Variants in PVT1 observed in about 807,000 individuals in gnomAD.
The protein encoded by PVT1 is CXCR4/PVT1 fusion.
chr8:128,092,044 G>C (rs1814362430), intron 5 of PVT1, among the ~76,000 whole-genome samples: 1 of 152,174 alleles, frequency 6.6e-6, no homozygotes, highest in Admixed American at 6.5e-5. Flanking sequence ...CCTGGGCCGT[G>C]TGCAAGCTTT....
intron 4 of PVT1, among the ~76,000 whole-genome samples, chr8:128,045,554 C>CA (rs1432971244): frequency 2.0e-5 from 3 of 152,172 alleles, no homozygotes; most frequent in Admixed American, 6.5e-5. Context: ...GCACGCAACC[C>CA]AATGCTTTTT....
chr8:127,807,717 A>G (rs1016216773), intron 2 of PVT1, among the ~76,000 whole-genome samples: 3 of 152,188 alleles, frequency 2.0e-5, no homozygotes. Flanking sequence ...TTGAAAATAC[A>G]TATGACAAGA....
intron 2 of PVT1, among the ~76,000 whole-genome samples, chr8:127,864,704 C>T (rs1430990127): frequency 2.6e-5 from 4 of 152,126 alleles, no homozygotes; most frequent in African/African-American, 4.8e-5. Context: ...CCCACCACCA[C>T]GCCCGGCTAT....
chr8:128,073,683 TC>T (rs1464226838), intron 5 of PVT1, among the ~76,000 whole-genome samples: 1 of 152,010 alleles, frequency 6.6e-6, no homozygotes, highest in East Asian at 1.9e-4. Flanking sequence ...TCTGGTCCCC[TC>T]CCTAGCCCTC....
At position 128,060,100 on chromosome 8, in the gene PVT1, C is replaced by CA. The variant is rs549481406; in HGVS notation, n.913-10054dup. 6.8e-4 allele frequency among the ~76,000 whole-genome samples: 104 copies of CA among 152,156 alleles called. No homozygotes were observed. In the East Asian group the frequency reaches 0.019, roughly 27 times the overall value. ...TGAAACCCCGTCTCTACTAAAAATA[C>CA]AAAAAATTAGCTGGGTGTGGCAGCG... On this transcript the variant is annotated intron_variant and non_coding_transcript_variant, in intron 4 of 10. Coordinates refer to ENST00000651587, the Ensembl canonical transcript of PVT1.
intron 2 of PVT1, among the ~76,000 whole-genome samples, chr8:127,860,566 T>C (rs957051838): frequency 1.8e-4 from 28 of 151,772 alleles, no homozygotes; most frequent in African/African-American, 6.3e-4. Flanking sequence ...AGTTCAAGAC[T>C]AGCCTGGTCA....
At chr8:127,861,859 A>C (rs1176667737) in intron 2 of PVT1, among the ~76,000 whole-genome samples, 1 of 152,206 alleles carries the variant, frequency 6.6e-6, no homozygotes, top group Non-Finnish European at 1.5e-5. Context: ...TCATCAGCCA[A>C]GTCAGTCCTG....
chr8:128,008,115 A>AAGAGG (rs1240084776), intron 4 of PVT1, among the ~76,000 whole-genome samples: 1 of 152,228 alleles, frequency 6.6e-6, no homozygotes, highest in African/African-American at 2.4e-5. Flanking sequence ...TTACCTCTTT[A>AAGAGG]AGGAGCAGTG....
chr8:128,081,237 C>A (rs1283633116), intron 5 of PVT1, among the ~76,000 whole-genome samples: 1 of 152,178 alleles, frequency 6.6e-6, no homozygotes, highest in Admixed American at 6.6e-5. Flanking sequence ...TGTAGATATC[C>A]ACAAAATAAC....
intron 2 of PVT1, among the ~76,000 whole-genome samples, chr8:127,841,915 G>A (rs572460435): frequency 2.0e-5 from 3 of 151,970 alleles, no homozygotes; most frequent in Admixed American, 6.6e-5. Flanking sequence ...TAGTAGAGAC[G>A]GGGTTTCACC....
At chr8:128,047,818 C>T (rs75843346) in intron 4 of PVT1, among the ~76,000 whole-genome samples, 7,694 of 152,154 alleles carry the variant, frequency 0.051, 216 homozygotes, top group South Asian at 0.13. Flanking sequence ...TCAACTTAGC[C>T]ATTCCACAAT....
intron 3 of PVT1, among the ~76,000 whole-genome samples, chr8:127,919,309 A>G (rs749376361): frequency 3.9e-5 from 6 of 152,140 alleles, no homozygotes; most frequent in Non-Finnish European, 8.8e-5. Context: ...CCTTGATGTC[A>G]ATTACTTCAA....
At chr8:128,081,502 C>T (rs866649781) in intron 5 of PVT1, among the ~76,000 whole-genome samples, 2 of 152,176 alleles carry the variant, frequency 1.3e-5, no homozygotes, top group African/African-American at 2.4e-5. Flanking sequence ...AGAGATTTTT[C>T]GTTACAATGT....
chr8:128,034,271 T>A (rs1222245514), intron 4 of PVT1, among the ~76,000 whole-genome samples: 1 of 151,632 alleles, frequency 6.6e-6, no homozygotes, highest in Non-Finnish European at 1.5e-5. Flanking sequence ...CCCAGTGAAC[T>A]AAAGGTTTAT....
At chr8:127,817,305 A>C (rs937713591) in intron 2 of PVT1, among the ~76,000 whole-genome samples, 2 of 150,504 alleles carry the variant, frequency 1.3e-5, no homozygotes, top group African/African-American at 2.4e-5. Context: ...CAATGAACTT[A>C]ACATCTGTCT....
intron 3 of PVT1, among the ~76,000 whole-genome samples, chr8:127,899,479 C>T (rs1016749451): frequency 6.6e-5 from 10 of 152,160 alleles, no homozygotes; most frequent in Admixed American, 6.5e-4. Flanking sequence ...TCTGGCTCCC[C>T]GTCTCTCAAT....
chr8:127,805,055 T>C (rs1388347475), intron 2 of PVT1, among the ~76,000 whole-genome samples: 1 of 151,176 alleles, frequency 6.6e-6, no homozygotes, highest in Non-Finnish European at 1.5e-5. Context: ...CTCAGCCTCC[T>C]GGGTAGCTGG....
Position 127,837,416 on chromosome 8 carries a change from G to A in PVT1, n.372+41345G>A, listed in dbSNP as rs73355214. Among the ~76,000 whole-genome samples, 1,085 of 149,298 alleles carry A rather than the reference G, an allele frequency of 7.3e-3. 19 individuals carry two copies. The highest frequency in any genetic ancestry group is 0.025 in the African/African-American group (1,019 of 40,574). On this transcript the variant is annotated intron_variant and non_coding_transcript_variant, in intron 2 of 10. Coordinates refer to ENST00000651587, the Ensembl canonical transcript of PVT1. The stretch of plus-strand genomic sequence containing the variant: ...TGTTGTTTTTTTTTTTTTGAATACC[G>A]GAAATTAAGGGGAAATTCGGAAACC...
intron 3 of PVT1, among the ~76,000 whole-genome samples, chr8:127,930,385 C>T (rs903573796): frequency 1.3e-5 from 2 of 152,186 alleles, no homozygotes; most frequent in Admixed American, 1.3e-4. Flanking sequence ...TCTCAAACTC[C>T]TGACCTCAGG....
Sources: gnomAD v4.1 joint callset for allele counts (sites outside exome capture counted in the v4.1 genomes callset) on GRCh38, gnomAD v4.1.1 for gene constraint, MANE v1.5 for transcripts, NCBI Gene and HGNC (gene_info 2026-07-23, HGNC 2026-07-21) for gene names.